The following ZMAT4 variants were observed in gnomAD, a reference collection of about 807,000 sequenced individuals.
ZMAT4 encodes the protein zinc finger matrin-type 4.
Under a neutral mutation model 28.7 loss-of-function variants are expected in ZMAT4, and 17 were observed. The observed-to-expected ratio is 0.59, with a 90% CI of 0.41 to 0.89. The LOEUF is 0.89. Ranked by LOEUF, ZMAT4 falls within the 40% of genes least tolerant of loss-of-function variation. The pLI, the probability that ZMAT4 is intolerant of heterozygous loss-of-function variation, is 0.00. For missense variants in ZMAT4, 240 were observed against 283.8 expected (o/e 0.85, Z 1.11); for synonymous variants, 117 against 109.2 (o/e 1.07, Z -0.44).
At chr8:40,808,705 T>A in intron 2 of ZMAT4, 1 of 263,292 alleles carries the variant, frequency 3.8e-6, no homozygotes, top group Non-Finnish European at 7.7e-6. Context: ...GGCAAATCAG[T>A]GAAGAGGAAG....
chr8:40,677,232 T>G (rs1425805639), intron 4 of ZMAT4, among the ~76,000 whole-genome samples: 2 of 152,156 alleles, frequency 1.3e-5, no homozygotes, highest in Non-Finnish European at 2.9e-5. Context: ...AAGAAAGTAA[T>G]TTGATGTAGC....
chr8:40,604,098 T>G (rs1178716083), intron 5 of ZMAT4, among the ~76,000 whole-genome samples: 2 of 152,234 alleles, frequency 1.3e-5, no homozygotes, highest in Non-Finnish European at 2.9e-5. Flanking sequence ...TGAATTCATT[T>G]ATCAGATCTA....
chr8:40,880,073 G>C (rs904630600), intron 1 of ZMAT4, among the ~76,000 whole-genome samples: 3 of 152,042 alleles, frequency 2.0e-5, no homozygotes, highest in Admixed American at 2.0e-4. Flanking sequence ...TAAATCAAAA[G>C]GTGCAGAAAT....
chr8:40,832,202 A>G (rs1049497893), intron 1 of ZMAT4, among the ~76,000 whole-genome samples: 1 of 152,194 alleles, frequency 6.6e-6, no homozygotes, highest in Non-Finnish European at 1.5e-5. Context: ...AAGGACAGAC[A>G]TTCAGTGCAG....
chr8:40,807,121 A>C (rs1197929973), intron 2 of ZMAT4, among the ~76,000 whole-genome samples: 2 of 98,894 alleles, frequency 2.0e-5, no homozygotes, highest in Non-Finnish European at 4.2e-5. Context: ...GGGCAGGGGG[A>C]GGTAGTGGGG....
intron 5 of ZMAT4, among the ~76,000 whole-genome samples, chr8:40,601,795 T>C (rs1481878619): frequency 6.6e-6 from 1 of 152,028 alleles, no homozygotes; most frequent in African/African-American, 2.4e-5. Flanking sequence ...CTATAAGGTG[T>C]GTTTTATTCC....
intron 4 of ZMAT4, among the ~76,000 whole-genome samples, chr8:40,681,403 A>G (rs1183752792): frequency 6.6e-6 from 1 of 152,226 alleles, no homozygotes; most frequent in Non-Finnish European, 1.5e-5. Context: ...CCTAAATCAA[A>G]TTAATGATAG....
At position 40,845,534 on chromosome 8, in the gene ZMAT4, A is replaced by G. The variant is rs572971737; in HGVS notation, c.-4-19854T>C. ...GCTGAAGTTGGTAAAATGGTCTATC[A>G]ATAGGCAGATTATAGCAGCCTTCTG... On this transcript the variant is annotated intron_variant, in intron 1 of 6. Transcript: ENST00000297737. Among the ~76,000 whole-genome samples, 44 of 152,172 alleles carry G rather than the reference A, an allele frequency of 2.9e-4. 1 individual carries two copies. Among genetic ancestry groups the G allele is most frequent in the African/African-American group, 1.0e-3 (42 of 41,494 alleles).
chr8:40,596,997 T>G (rs1285229602), intron 5 of ZMAT4, among the ~76,000 whole-genome samples: 1 of 152,224 alleles, frequency 6.6e-6, no homozygotes, highest in African/African-American at 2.4e-5. Context: ...CTGAGCCTCA[T>G]TTTCTCTTTT....
chr8:40,852,478 G>A (rs1817146927), intron 1 of ZMAT4, among the ~76,000 whole-genome samples: 1 of 152,180 alleles, frequency 6.6e-6, no homozygotes, highest in Admixed American at 6.5e-5. Flanking sequence ...GTGATATACT[G>A]TCTTAGTTGA....
intron 3 of ZMAT4, among the ~76,000 whole-genome samples, chr8:40,746,647 G>C (rs1236863056): frequency 1.3e-5 from 2 of 152,044 alleles, no homozygotes; most frequent in African/African-American, 2.4e-5. Context: ...GAGCCACCAT[G>C]CCCGGCCCAG....
intron 3 of ZMAT4, among the ~76,000 whole-genome samples, chr8:40,748,103 G>C (rs1287546244): frequency 1.3e-5 from 2 of 152,160 alleles, no homozygotes; most frequent in African/African-American, 4.8e-5. Flanking sequence ...AAGGTCAGCT[G>C]TAAAACCGAG....
At chr8:40,823,394 C>T (rs922479294) in intron 2 of ZMAT4, among the ~76,000 whole-genome samples, 5 of 152,048 alleles carry the variant, frequency 3.3e-5, no homozygotes, top group African/African-American at 1.2e-4. Context: ...CACGGTGGCT[C>T]GCACCTATAA....
chr8:40,693,382 T>A (rs1055370448), intron 4 of ZMAT4, among the ~76,000 whole-genome samples: 4 of 152,142 alleles, frequency 2.6e-5, no homozygotes, highest in Admixed American at 2.0e-4. Context: ...TCCCAGAGTG[T>A]TGGAATTACA....
chr8:40,778,354 T>C (rs1813691656), intron 2 of ZMAT4, among the ~76,000 whole-genome samples: 1 of 152,184 alleles, frequency 6.6e-6, no homozygotes, highest in African/African-American at 2.4e-5. Context: ...CATTTCTCAG[T>C]GTAAAATAAT....
intron 5 of ZMAT4, among the ~76,000 whole-genome samples, chr8:40,608,844 G>A (rs1254844603): frequency 6.6e-6 from 1 of 152,112 alleles, no homozygotes; most frequent in Non-Finnish European, 1.5e-5. Context: ...CCATGATCTG[G>A]ACCATCAGTT....
At chr8:40,858,788 G>A (rs545201371) in intron 1 of ZMAT4, among the ~76,000 whole-genome samples, 1 of 152,122 alleles carries the variant, frequency 6.6e-6, no homozygotes, top group South Asian at 2.1e-4. Flanking sequence ...CTTCTCCACC[G>A]TGCTCATCTT....
chr8:40,674,905 G>A lies in ZMAT4; in HGVS notation c.376C>T (p.Pro126Ser), dbSNP rs748969111. The change falls in exon 5 of 7, where the codon CCA (proline) becomes TCA (serine). Residue 126 changes from proline to serine, a missense_variant. Coordinates refer to ENST00000297737, the MANE Select transcript of ZMAT4 (RefSeq NM_024645.3). ...ACCACCGGAGCAGTGTCCATCCGTG[G>A]GGGCTTAAGTGGGCTCAGGGGTGTT... Reference protein sequence around the residue: ...TATPLSPLKPPRMDTAPVVAS... With the variant: ...TATPLSPLKPSRMDTAPVVAS... 2.5e-6 allele frequency: 4 copies of A among 1,613,102 alleles called. No homozygotes were observed. Among genetic ancestry groups the A allele is most frequent in the Admixed American group, 3.3e-5 (2 of 59,960 alleles).
At chr8:40,892,796 G>A (rs1231462341) in intron 1 of ZMAT4, among the ~76,000 whole-genome samples, 1 of 152,204 alleles carries the variant, frequency 6.6e-6, no homozygotes, top group Non-Finnish European at 1.5e-5. Flanking sequence ...AGTCCAGGTG[G>A]CAGCTGGTGC....
Sources: gnomAD v4.1 joint callset for allele counts (sites outside exome capture counted in the v4.1 genomes callset) on GRCh38, gnomAD v4.1.1 for gene constraint, MANE v1.5 for transcripts, NCBI Gene and HGNC (gene_info 2026-07-23, HGNC 2026-07-21) for gene names.